TRIM66: variants seen among roughly 807,000 people sequenced by gnomAD.
TRIM66 encodes tripartite motif containing 66, also known as tripartite motif-containing protein 66.
Under a neutral mutation model 148.2 loss-of-function variants are expected in TRIM66, and 99 were observed. The observed-to-expected ratio is 0.67, with a 90% confidence interval of 0.57 to 0.79. The LOEUF (loss-of-function observed/expected upper bound fraction) is 0.79. Among genes scored for constraint, TRIM66 ranks in the 30% least tolerant of loss-of-function variants. The pLI, the probability that TRIM66 is intolerant of heterozygous loss-of-function variation, is 0.00. For missense variants in TRIM66, 1,666 were observed against 1,697.9 expected (o/e 0.98, Z 0.33); for synonymous variants, 616 against 635.9 (o/e 0.97, Z 0.47).
intron 6 of TRIM66, among the ~76,000 whole-genome samples, chr11:8,669,914 T>A (rs192529781): frequency 6.6e-6 from 1 of 152,284 alleles, no homozygotes; most frequent in Non-Finnish European, 1.5e-5. Flanking sequence ...TATAGGTACA[T>A]TGTGTGTCAT....
intron 6 of TRIM66, among the ~76,000 whole-genome samples, chr11:8,652,669 C>T (rs1043177632): frequency 4.6e-5 from 7 of 152,088 alleles, no homozygotes; most frequent in African/African-American, 1.7e-4. Flanking sequence ...GTGATTCTGC[C>T]GGCCCACCGC....
intron 15 of TRIM66, among the ~76,000 whole-genome samples, chr11:8,634,895 A>G (rs185153137): frequency 2.5e-3 from 383 of 152,310 alleles, no homozygotes; most frequent in African/African-American, 8.7e-3. Context: ...CTTCTGGTCC[A>G]TGACCTTCAG....
At chr11:8,618,649 T>A (rs976141493) in intron 24 of TRIM66, 101 bp downstream of exon 24, 4 of 1,157,322 alleles carry the variant, frequency 3.5e-6, no homozygotes, top group Non-Finnish European at 4.9e-6. Flanking sequence ...CACCACCATC[T>A]TTTTGCACCA....
intron 17 of TRIM66, among the ~76,000 whole-genome samples, chr11:8,623,948 G>A (rs1565480317): frequency 6.6e-6 from 1 of 152,224 alleles, no homozygotes; most frequent in African/African-American, 2.4e-5. Context: ...GTTGAGGGAG[G>A]TTAGGTATCT....
In TRIM66 at chr11:8,649,834, G is replaced by A. The variant is rs1262462545; in HGVS notation, c.498C>T (p.Cys166=). 1.9e-6 allele frequency: 3 copies of A among 1,551,590 alleles called. No homozygotes were observed. Among genetic ancestry groups the A allele is most frequent in the Non-Finnish European group, 2.6e-6 (3 of 1,147,014 alleles). ...KRAAHILCTY[C]NRWLCSSCTE... ...TGCAAGAGCTGCACAGCCAGCGATT[G>A]CAGTAGGTGCAGAGGATATGTGCTG... The change falls in exon 8 of 25, where the codon TGC becomes TGT. Residue 166 remains cysteine (C), a synonymous_variant. Coordinates refer to ENST00000646038, the MANE Select transcript of TRIM66 (RefSeq NM_001388022.1).
chr11:8,649,996 GT>G, intron 7 of TRIM66, 109 bp from the exon 8 acceptor site: 1 of 1,302,306 alleles, frequency 7.7e-7, no homozygotes, highest in Non-Finnish European at 1.0e-6. Context: ...TCCTCCACCA[GT>G]TTGGAGTGTA....
Position 8,647,958 on chromosome 11 carries a change from A to G in TRIM66, c.842+12T>C. 1 of 1,541,372 alleles carries G rather than the reference A, an allele frequency of 6.5e-7. No individual in the cohort carries two copies. The highest frequency in any genetic ancestry group is 1.2e-5 in the South Asian group (1 of 83,868). ...GCATTTCCAGCACTGGCAAGGCACTAGCCTGTGCTACCTGTCCTCAATTTG... is the reference window on the plus strand; with the variant it reads ...GCATTTCCAGCACTGGCAAGGCACTGGCCTGTGCTACCTGTCCTCAATTTG... On this transcript the variant is annotated intron_variant, in intron 10 of 24. Coordinates refer to ENST00000646038, the MANE Select transcript of TRIM66 (RefSeq NM_001388022.1).
chr11:8,649,811 C>A lies in TRIM66; in HGVS notation c.521G>T (p.Cys174Phe). The change falls in exon 8 of 25, where the codon TGC becomes TTC. Residue 174 changes from cysteine to phenylalanine, a missense_variant. This residue lies in a region of TRIM66 where 1,431 missense variants were observed against 1,412.4 expected (regional missense o/e 1.01). Transcript: ENST00000646038. Reference protein sequence around the residue: ...TYCNRWLCSSCTEEHRHSPVP... With the variant: ...TYCNRWLCSSFTEEHRHSPVP... ...AGGGCTGTGTCGGTGTTCCTCTGTG[C>A]AAGAGCTGCACAGCCAGCGATTGCA... 6.4e-7 allele frequency: 1 copy of A among 1,551,686 alleles called. No individual in the cohort carries two copies. Among genetic ancestry groups the A allele is most frequent in the African/African-American group, 1.4e-5 (1 of 73,168 alleles).
chr11:8,655,203 C>T (rs1246830366), intron 6 of TRIM66, among the ~76,000 whole-genome samples: 1 of 152,140 alleles, frequency 6.6e-6, no homozygotes. Context: ...ATGTGTACTC[C>T]TTGCACTCAC....
At chr11:8,647,216 T>C (rs1057154554) in intron 10 of TRIM66, among the ~76,000 whole-genome samples, 1 of 152,056 alleles carries the variant, frequency 6.6e-6, no homozygotes, top group Non-Finnish European at 1.5e-5. Context: ...GTGAATATAC[T>C]AAAGGCCACT....
chr11:8,673,210 G>T (rs564575182), intron 4 of TRIM66, among the ~76,000 whole-genome samples: 133 of 152,190 alleles, frequency 8.7e-4, no homozygotes, highest in Non-Finnish European at 1.7e-3. Context: ...TTACAGGCAT[G>T]AGCCACCGAG....
chr11:8,631,349 T>C (rs2035377862), intron 15 of TRIM66, among the ~76,000 whole-genome samples: 1 of 152,218 alleles, frequency 6.6e-6, no homozygotes, highest in Admixed American at 6.5e-5. Context: ...GCAGATAGGG[T>C]GGTGTTCCAC....
intron 6 of TRIM66, among the ~76,000 whole-genome samples, chr11:8,667,578 C>T (rs895390418): frequency 2.0e-5 from 3 of 152,146 alleles, no homozygotes; most frequent in Non-Finnish European, 2.9e-5. Context: ...CTCACCATTC[C>T]CCCAGCCCCT....
chr11:8,652,013 G>GTATCT, intron 6 of TRIM66, 110 bp from the exon 7 acceptor site: 2 of 839,174 alleles, frequency 2.4e-6, no homozygotes, highest in Non-Finnish European at 3.7e-6. Flanking sequence ...CAATACCCAT[G>GTATCT]TGTGCCAAAA....
chr11:8,671,367 G>A (rs1488631564), intron 6 of TRIM66, among the ~76,000 whole-genome samples: 1 of 151,956 alleles, frequency 6.6e-6, no homozygotes, highest in African/African-American at 2.4e-5. Context: ...CTCCCTGCTG[G>A]GCAGCAGCTT....
intron 6 of TRIM66, chr11:8,663,312 C>A (rs1299600218): frequency 2.0e-5 from 3 of 152,140 alleles, no homozygotes; most frequent in Admixed American, 2.0e-4. Flanking sequence ...AATAGTCCCC[C>A]CCTTATTCAT....
intron 7 of TRIM66, 104 bp from the exon 8 acceptor site, chr11:8,649,991 C>T: frequency 2.2e-6 from 3 of 1,358,858 alleles, no homozygotes; most frequent in Non-Finnish European, 3.0e-6. Flanking sequence ...CCTATTCCTC[C>T]ACCAGTTTGG....
intron 6 of TRIM66, among the ~76,000 whole-genome samples, chr11:8,662,620 T>C (rs1468938562): frequency 3.9e-5 from 6 of 152,178 alleles, no homozygotes; most frequent in Non-Finnish European, 7.4e-5. Flanking sequence ...CTCTAGGGTC[T>C]GTGACTTCCA....
chr11:8,616,420 T>C lies in TRIM66; in HGVS notation c.*1524A>G, dbSNP rs1835592645. 1 of 152,204 alleles carries C rather than the reference T, an allele frequency of 6.6e-6. No individual in the cohort carries two copies. Among genetic ancestry groups the C allele is most frequent in the Non-Finnish European group, 1.5e-5 (1 of 68,044 alleles). The allele number at this position is 152,204 out of a possible 1,614,324, so 9.4% of individuals were successfully genotyped here. A position where few individuals can be genotyped will look rare whatever the true frequency, so the allele number is the denominator to read the frequency against. The stretch of plus-strand genomic sequence containing the variant: ...CCATGACCTCAGACTCCCCTGAAAT[T>C]AGCCATGCAATGACAGGACCAGGGA... On this transcript the variant is annotated 3_prime_UTR_variant, in exon 25 of 25. Coordinates refer to ENST00000646038, the MANE Select transcript of TRIM66 (RefSeq NM_001388022.1).
Sources: gnomAD v4.1 joint callset for allele counts (sites outside exome capture counted in the v4.1 genomes callset) on GRCh38, gnomAD v4.1.1 for gene constraint, gnomAD v4.1.1 regional missense constraint, MANE v1.5 for transcripts, NCBI Gene and HGNC (gene_info 2026-07-23, HGNC 2026-07-21) for gene names.